POU2F1: variants seen among roughly 807,000 people sequenced by gnomAD.
POU2F1 encodes the protein POU class 2 homeobox 1.
A neutral mutation model predicts 84.9 loss-of-function variants in POU2F1; 16 were observed. That is an observed-to-expected ratio of 0.19 (90% confidence interval 0.13 to 0.29). The LOEUF (loss-of-function observed/expected upper bound fraction) is 0.29. Ranked by LOEUF, POU2F1 falls within the 10% of genes least tolerant of loss-of-function variation. The pLI is 1.00. For missense variants in POU2F1, 738 were observed against 942.6 expected (o/e 0.78, Z 2.84); for synonymous variants, 368 against 368.3 (o/e 1.00, Z 0.01).
chr1:167,366,389 A>G (rs556269088), intron 3 of POU2F1, among the ~76,000 whole-genome samples: 4 of 152,356 alleles, frequency 2.6e-5, no homozygotes, highest in Admixed American at 1.3e-4. Context: ...AAAAACCCAT[A>G]TGTACATAAG....
chr1:167,244,922 T>C (rs1160794928), intron 1 of POU2F1, among the ~76,000 whole-genome samples: 1 of 152,206 alleles, frequency 6.6e-6, no homozygotes, highest in East Asian at 1.9e-4. Context: ...TTTTGTCAAC[T>C]TCAGTTTCTG....
Position 167,399,289 on chromosome 1 carries a change from A to G in POU2F1, c.1373A>G (p.Lys458Arg). The change falls in exon 12 of 16, where the codon AAA (lysine) becomes AGA (arginine). Residue 458 changes from lysine (K) to arginine (R), a missense_variant. By Grantham distance (26) the Lys-to-Arg change is conservative (BLOSUM62 2). Around this residue, in one of 4 missense-constraint regions of POU2F1, gnomAD observed 319 missense variants for 386.0 expected, o/e 0.83. Transcript: ENST00000367866. Reference protein sequence around the residue: ...VWFCNRRQKEKRINPPSSGGT... With the variant: ...VWFCNRRQKERRINPPSSGGT... ...TTCTGTAACCGCCGCCAGAAAGAAA[A>G]AAGAATCAACCCACCAAGCAGTGGT... 6.2e-7 allele frequency: 1 copy of G among 1,614,136 alleles called. No homozygotes were observed. Among genetic ancestry groups the G allele is most frequent in the South Asian group, 1.1e-5 (1 of 91,072 alleles).
intron 1 of POU2F1, among the ~76,000 whole-genome samples, chr1:167,314,931 G>A (rs941640771): frequency 3.3e-5 from 5 of 152,060 alleles, no homozygotes; most frequent in Middle Eastern, 3.2e-3. Context: ...AGCTTGGTGC[G>A]GTCTTCTTGA....
rs556797554 is a variant in POU2F1, at chr1:167,386,466, G to A, written c.813+2515G>A. Among the ~76,000 whole-genome samples the A allele has an allele frequency of 5.9e-5, 9 of 152,308 alleles. No homozygotes were observed. In the East Asian group the frequency reaches 1.5e-3, roughly 26 times the overall value. On this transcript the variant is annotated intron_variant, in intron 8 of 15. Coordinates refer to ENST00000367866, the MANE Select transcript of POU2F1 (RefSeq NM_002697.4). ...CTCCCAAAGTGTTGAGATGACAGGCGTGAGCCACCGCACCAGGCTGGCAGT... is the reference window on the plus strand; with the variant it reads ...CTCCCAAAGTGTTGAGATGACAGGCATGAGCCACCGCACCAGGCTGGCAGT...
intron 9 of POU2F1, among the ~76,000 whole-genome samples, chr1:167,392,220 G>C (rs1038585194): frequency 6.6e-6 from 1 of 151,804 alleles, no homozygotes; most frequent in African/African-American, 2.4e-5. Context: ...GCGTGCTGGC[G>C]GGCGCCTGTA....
At chr1:167,307,758 A>T (rs1210352163) in intron 1 of POU2F1, among the ~76,000 whole-genome samples, 1 of 152,198 alleles carries the variant, frequency 6.6e-6, no homozygotes, top group Non-Finnish European at 1.5e-5. Context: ...CGTAGACCCT[A>T]TTCAAATTTT....
chr1:167,387,335 C>T (rs1571419316), intron 8 of POU2F1: 1 of 413,912 alleles, frequency 2.4e-6, no homozygotes, highest in Admixed American at 2.6e-5. Flanking sequence ...AGTTAAGACT[C>T]ACCTGTAACT....
intron 1 of POU2F1, among the ~76,000 whole-genome samples, chr1:167,301,144 AT>A (rs1654672663): frequency 6.6e-6 from 1 of 152,064 alleles, no homozygotes; most frequent in Non-Finnish European, 1.5e-5. Flanking sequence ...GATGCATAGT[AT>A]TTACTACTGT....
chr1:167,368,234 G>A (rs1659804567), intron 3 of POU2F1, among the ~76,000 whole-genome samples: 1 of 151,902 alleles, frequency 6.6e-6, no homozygotes, highest in Non-Finnish European at 1.5e-5. Flanking sequence ...GAGGCCAGCT[G>A]TTTGATAGAA....
Position 167,377,430 on chromosome 1 carries a change from C to CA in POU2F1, c.718+1283dup, listed in dbSNP as rs932034107. Among the ~76,000 whole-genome samples the CA allele has an allele frequency of 2.1e-3, 323 of 150,524 alleles. 2 individuals are homozygous for CA. Among genetic ancestry groups the CA allele is most frequent in the Middle Eastern group, 3.4e-3 (1 of 290 alleles). ...TGAAACCCCATCTCTACTAAAAATA[C>CA]AAAAAAAATAGCCAGGCGTGGTGGC... On this transcript the variant is annotated intron_variant, in intron 7 of 15. Transcript: ENST00000367866.
chr1:167,406,671 A>G (rs574695788), intron 13 of POU2F1, among the ~76,000 whole-genome samples: 48 of 152,388 alleles, frequency 3.1e-4, no homozygotes, highest in African/African-American at 7.2e-4. Context: ...GTATTGTTGC[A>G]GAATACAAGA....
chr1:167,387,257 C>A, intron 8 of POU2F1: 1 of 455,560 alleles, frequency 2.2e-6, no homozygotes, highest in Non-Finnish European at 4.4e-6. Context: ...GGTACCCAAG[C>A]GATTTTTAGT....
intron 1 of POU2F1, among the ~76,000 whole-genome samples, chr1:167,235,635 C>T (rs1226761671): frequency 3.9e-5 from 6 of 152,178 alleles, no homozygotes; most frequent in African/African-American, 1.4e-4. Flanking sequence ...ATGCTCCTGT[C>T]ATGCATGTAC....
At position 167,294,862 on chromosome 1, in the gene POU2F1, G is replaced by A. The variant is rs181781003; in HGVS notation, c.62-37608G>A. Among the ~76,000 whole-genome samples, 35 of 152,200 alleles carry A rather than the reference G, an allele frequency of 2.3e-4. No individual in the cohort carries two copies. In the East Asian group the frequency reaches 6.6e-3, roughly 29 times the overall value. ...GAAGTAACAGTAGAAGGCTGGGCAC[G>A]GTGGCTCACACCTGTAATCCCAGCA... On this transcript the variant is annotated intron_variant, in intron 1 of 15. Coordinates refer to ENST00000367866, the MANE Select transcript of POU2F1 (RefSeq NM_002697.4).
intron 1 of POU2F1, chr1:167,241,332 T>G (rs1472673008): frequency 6.6e-6 from 1 of 152,146 alleles, no homozygotes; most frequent in Non-Finnish European, 1.5e-5. Flanking sequence ...GAATCTGTTT[T>G]TTAGTGCCGG....
chr1:167,362,412 G>C (rs1046885455), intron 2 of POU2F1, among the ~76,000 whole-genome samples: 2 of 152,198 alleles, frequency 1.3e-5, no homozygotes, highest in African/African-American at 2.4e-5. Flanking sequence ...TATACTCACA[G>C]GTCCTAGAGA....
intron 6 of POU2F1, 79 bp downstream of exon 6, chr1:167,374,375 T>G: frequency 7.2e-7 from 1 of 1,397,830 alleles, no homozygotes; most frequent in Non-Finnish European, 9.6e-7. Context: ...GATTAACTTT[T>G]TGATTGTTAG....
At chr1:167,249,072 A>G (rs1650540340) in intron 1 of POU2F1, among the ~76,000 whole-genome samples, 2 of 152,332 alleles carry the variant, frequency 1.3e-5, no homozygotes, top group African/African-American at 4.8e-5. Context: ...AACCTTTTCA[A>G]TTAATTCTTC....
In POU2F1 at chr1:167,417,165, A is replaced by G. The variant is rs543832158; in HGVS notation, c.*1355A>G. On this transcript the variant is annotated 3_prime_UTR_variant, in exon 16 of 16. Transcript: ENST00000367866. ...CTAGAGAGCCACAGACTTCCTTTCC[A>G]CTGGATGGTTTATAAATTCCTCTAA... The G allele has an allele frequency of 6.6e-6, 1 of 152,270 alleles. No homozygotes were observed. Among genetic ancestry groups the G allele is most frequent in the South Asian group, 2.1e-4 (1 of 4,828 alleles). 9.4% of individuals were successfully genotyped at this position (152,270 alleles called of 1,614,324 possible).
Sources: gnomAD v4.1 joint callset for allele counts (sites outside exome capture counted in the v4.1 genomes callset) on GRCh38, gnomAD v4.1.1 for gene constraint, gnomAD v4.1.1 regional missense constraint, MANE v1.5 for transcripts, NCBI Gene and HGNC (gene_info 2026-07-23, HGNC 2026-07-21) for gene names.